PLEKHA6: variants seen among roughly 807,000 people sequenced by gnomAD.
PLEKHA6 encodes pleckstrin homology domain-containing family A member 6.
Under a neutral mutation model 116.7 loss-of-function variants are expected in PLEKHA6, and 60 were observed. The ratio of observed to expected loss-of-function variants is 0.51; its 90% CI spans 0.42 to 0.64. The LOEUF (loss-of-function observed/expected upper bound fraction) is 0.64, where lower values mean the gene tolerates loss of function less well. Ranked by LOEUF, PLEKHA6 falls within the 30% of genes least tolerant of loss-of-function variation. The probability of loss-of-function intolerance (pLI) is 0.00; values close to 1 mark genes in which losing one functional copy is unlikely to be tolerated. For synonymous variants in PLEKHA6, 489 were observed against 556.1 expected (o/e 0.88, Z 1.70); for missense variants, 1,338 against 1,422.7 (o/e 0.94, Z 0.96).
chr1:204,370,813 G>A lies in PLEKHA6; in HGVS notation c.160+717C>T, dbSNP rs888259655. ...TCACACCTATAATCCCAGCACTTTG[G>A]GAAGTCGAGGTGGGTGGATCACCTG... On this transcript the variant is annotated intron_variant, in intron 2 of 4. Transcript: ENST00000564627. 3.3e-5 allele frequency among the ~76,000 whole-genome samples: 5 copies of A among 152,060 alleles called. No homozygotes were observed. The East Asian group carries it at 9.7e-4, about 29-fold the overall frequency.
At chr1:204,266,242 A>G (rs1156701203) in intron 5 of PLEKHA6, among the ~76,000 whole-genome samples, 5 of 152,308 alleles carry the variant, frequency 3.3e-5, no homozygotes, top group African/African-American at 1.2e-4. Flanking sequence ...GGCTGCCTTC[A>G]GGAGAGCTGA....
upstream of PLEKHA6, among the ~76,000 whole-genome samples, chr1:204,360,524 C>G (rs954835738): frequency 3.9e-5 from 6 of 152,170 alleles, no homozygotes; most frequent in Non-Finnish European, 8.8e-5. Flanking sequence ...CTCCCAGGCC[C>G]TGGGAGGGAA....
intron 9 of PLEKHA6, among the ~76,000 whole-genome samples, chr1:204,256,646 G>C (rs1033041503): frequency 6.6e-6 from 1 of 152,190 alleles, no homozygotes; most frequent in Admixed American, 6.5e-5. Flanking sequence ...CTAGAGTCCT[G>C]GCTGGGAGGG....
At chr1:204,314,140 C>T (rs1393193387) in intron 1 of PLEKHA6, among the ~76,000 whole-genome samples, 1 of 152,144 alleles carries the variant, frequency 6.6e-6, no homozygotes, top group Non-Finnish European at 1.5e-5. Flanking sequence ...GAGCCATATC[C>T]TGCCATCCTA....
intron 2 of PLEKHA6, among the ~76,000 whole-genome samples, chr1:204,370,871 T>G (rs1408200021): frequency 3.3e-5 from 5 of 151,998 alleles, no homozygotes; most frequent in Non-Finnish European, 7.4e-5. Flanking sequence ...CTGGCCAACA[T>G]GGCAAAACCC....
At chr1:204,286,207 C>G (rs560903210) in intron 1 of PLEKHA6, among the ~76,000 whole-genome samples, 4 of 152,164 alleles carry the variant, frequency 2.6e-5, no homozygotes, top group Non-Finnish European at 5.9e-5. Context: ...AAGACAATCT[C>G]AGAGGAACGG....
intron 1 of PLEKHA6, among the ~76,000 whole-genome samples, chr1:204,377,057 T>C: frequency 6.6e-6 from 1 of 152,094 alleles, no homozygotes; most frequent in East Asian, 1.9e-4. Flanking sequence ...TCCCCCTCCC[T>C]CTTGACCACA....
At chr1:204,371,053 CAAAAAAA>C (rs34493461) in intron 2 of PLEKHA6, among the ~76,000 whole-genome samples, 2 of 68,476 alleles carry the variant, frequency 2.9e-5, no homozygotes, top group South Asian at 5.7e-4. Flanking sequence ...GACTCTGCCT[CAAAAAAA>C]AAAAAAAAAA....
Position 204,249,165 on chromosome 1 carries a change from G to T in PLEKHA6, c.1674+19C>A. Reference sequence around the variant, plus strand: ...CCTCGCCCATCTGCCCCAGCTTAAAGCCACCCCCAGCTTCTCACCTTCTCA... The same window carrying T: ...CCTCGCCCATCTGCCCCAGCTTAAATCCACCCCCAGCTTCTCACCTTCTCA... On this transcript the variant is annotated intron_variant, in intron 11 of 22. Transcript: ENST00000272203. 1 of 1,604,724 alleles carries T rather than the reference G, an allele frequency of 6.2e-7. No homozygotes were observed. Among genetic ancestry groups the T allele is most frequent in the Non-Finnish European group, 8.5e-7 (1 of 1,171,728 alleles).
At chr1:204,315,124 A>G (rs1159182439) in intron 1 of PLEKHA6, among the ~76,000 whole-genome samples, 1 of 152,180 alleles carries the variant, frequency 6.6e-6, no homozygotes, top group Non-Finnish European at 1.5e-5. Context: ...TTTAGGTTAG[A>G]TAGTAAGAAT....
chr1:204,245,509 G>A, intron 14 of PLEKHA6, 106 bp downstream of exon 14: 1 of 707,496 alleles, frequency 1.4e-6, no homozygotes, highest in Non-Finnish European at 2.5e-6. Context: ...GGCCCTGCCT[G>A]GCTCTGAACA....
At chr1:204,225,619 A>T (rs1467654983) in intron 21 of PLEKHA6, among the ~76,000 whole-genome samples, 2 of 152,228 alleles carry the variant, frequency 1.3e-5, no homozygotes, top group African/African-American at 4.8e-5. Context: ...ATCACACATA[A>T]ATACATGCAT....
At chr1:204,321,595 A>G (rs1016969525) in intron 1 of PLEKHA6, among the ~76,000 whole-genome samples, 20 of 151,860 alleles carry the variant, frequency 1.3e-4, no homozygotes, top group African/African-American at 4.8e-4. Context: ...TTTAAGGTTC[A>G]ACCTAAACCT....
chr1:204,301,953 G>A (rs955901623), intron 1 of PLEKHA6, among the ~76,000 whole-genome samples: 3 of 152,190 alleles, frequency 2.0e-5, no homozygotes, highest in Non-Finnish European at 4.4e-5. Flanking sequence ...CCTTGGACCT[G>A]CTATCTTGAG....
At chr1:204,347,155 T>A in intron 1 of PLEKHA6, 1 of 1,132,764 alleles carries the variant, frequency 8.8e-7, no homozygotes, top group Non-Finnish European at 1.3e-6. Flanking sequence ...ATCACCTTTC[T>A]TATAGACTCG....
At chr1:204,344,636 T>C (rs1672968814) in intron 1 of PLEKHA6, among the ~76,000 whole-genome samples, 3 of 150,088 alleles carry the variant, frequency 2.0e-5, no homozygotes, top group Admixed American at 2.0e-4. Flanking sequence ...TAAAAATATA[T>C]AGAGTCAATT....
At chr1:204,248,691 C>T (rs1664118465) in intron 12 of PLEKHA6, 130 bp downstream of exon 12, 1 of 730,586 alleles carries the variant, frequency 1.4e-6, no homozygotes, top group South Asian at 1.8e-5. Flanking sequence ...TGTTTATGCC[C>T]CTCTGCACGG....
At chr1:204,350,064 G>A (rs1673224542) in intron 1 of PLEKHA6, among the ~76,000 whole-genome samples, 2 of 152,184 alleles carry the variant, frequency 1.3e-5, no homozygotes, top group Non-Finnish European at 2.9e-5. Flanking sequence ...GTTCATGTCT[G>A]TAATCCCAGC....
upstream of PLEKHA6, among the ~76,000 whole-genome samples, chr1:204,361,104 T>A (rs1673548788): frequency 6.6e-6 from 1 of 152,178 alleles, no homozygotes; most frequent in Admixed American, 6.5e-5. Flanking sequence ...CTGAACCAGA[T>A]GAGCTTCTGG....
Sources: allele counts gnomAD v4.1 joint callset (sites outside exome capture counted in the v4.1 genomes callset), GRCh38; gene constraint gnomAD v4.1.1; transcripts MANE v1.5; gene names NCBI Gene and HGNC (gene_info 2026-07-23, HGNC 2026-07-21).